The following RNF10 variants were observed in gnomAD, a reference collection of about 807,000 sequenced individuals.
The protein encoded by RNF10 is ring finger protein 10.
RNF10 carries 38 observed loss-of-function variants against 91.4 expected under a neutral mutation model. That is an observed-to-expected ratio of 0.42 (90% CI 0.32 to 0.54). The LOEUF is 0.54. RNF10 is among the 20% of genes least tolerant of loss of function. The pLI, the probability that RNF10 is intolerant of heterozygous loss-of-function variation, is 0.16. For missense variants in RNF10, 945 were observed against 1,012.0 expected (o/e 0.93, Z 0.90); for synonymous variants, 364 against 366.3 (o/e 0.99, Z 0.07).
intron 10 of RNF10, 61 bp downstream of exon 10, chr12:120,564,004 T>G: frequency 6.3e-7 from 1 of 1,594,572 alleles, no homozygotes; most frequent in South Asian, 1.1e-5. Context: ...CTCTTTGAGG[T>G]AGGCCTAGCC....
At chr12:120,565,395 G>A (rs1875545119) in intron 11 of RNF10, 33 bp from the exon 12 acceptor site, 1 of 1,594,478 alleles carries the variant, frequency 6.3e-7, no homozygotes, top group East Asian at 2.2e-5. Context: ...TGTTGTCCTG[G>A]GTCTACCTCT....
At position 120,563,401 on chromosome 12, in the gene RNF10, C is replaced by T. The variant is rs1001308708; in HGVS notation, c.1309C>T (p.Leu437=). ...TGAAGAAACCACGGAAGTTTGTTCT[C>T]TGGACACTCCTTCTAGACCTCTTGC... is the stretch of plus-strand genomic sequence containing the variant. ...FDEETTEVCS[L]DTPSRPLALP... is the part of the protein sequence containing the mutation. Residue 437 remains leucine, a synonymous_variant, in exon 9 of 17, where the codon CTG becomes TTG. Transcript: ENST00000325954. 7 of 1,613,910 alleles carry T rather than the reference C, an allele frequency of 4.3e-6. No individual in the cohort carries two copies. The highest frequency in any genetic ancestry group is 1.6e-4 in the Middle Eastern group (1 of 6,084).
At chr12:120,556,038 C>T (rs1235761479) in intron 4 of RNF10, among the ~76,000 whole-genome samples, 1 of 151,944 alleles carries the variant, frequency 6.6e-6, no homozygotes, top group African/African-American at 2.4e-5. Context: ...ATCAACCTGT[C>T]TCGGCCTCCC....
rs1426492116 is a variant in RNF10, at chr12:120,534,558, C to T, written c.-254C>T. The T allele has an allele frequency of 2.0e-5, 15 of 732,810 alleles. No homozygotes were observed. The East Asian group carries it at 5.7e-4, about 28-fold the overall frequency. 45.4% of individuals were successfully genotyped at this position (732,810 alleles called of 1,614,324 possible). ...GCCTCCCCTTCCCCCGCAGCCTCCGCCCCGCCAGGCCCGGCCCGGACTCCC... is the reference window on the plus strand; with the variant it reads ...GCCTCCCCTTCCCCCGCAGCCTCCGTCCCGCCAGGCCCGGCCCGGACTCCC... On this transcript the variant is annotated 5_prime_UTR_variant, in exon 1 of 17. Coordinates refer to ENST00000325954, the MANE Select transcript of RNF10 (RefSeq NM_014868.5).
rs749468403 is a variant in RNF10, at chr12:120,563,074, A to G, written c.1254+4A>G. The G allele has an allele frequency of 4.2e-5, 67 of 1,613,888 alleles. No individual in the cohort carries two copies. Among genetic ancestry groups the G allele is most frequent in the Non-Finnish European group, 8.5e-7 (1 of 1,179,962 alleles). ...GTCTGTTTTTCAACCCAGGAAGGTT[A>G]GTGTGTTCCTGTTACTAAGTGGCTG... On this transcript the variant is annotated splice_donor_region_variant and intron_variant, in intron 8 of 16. Coordinates refer to ENST00000325954, the MANE Select transcript of RNF10 (RefSeq NM_014868.5).
chr12:120,540,388 C>G (rs953161161), intron 1 of RNF10, among the ~76,000 whole-genome samples: 2 of 152,160 alleles, frequency 1.3e-5, no homozygotes, highest in African/African-American at 4.8e-5. Context: ...TTTAAAACTT[C>G]ACCCATAGTT....
intron 7 of RNF10, among the ~76,000 whole-genome samples, chr12:120,561,996 T>A (rs1874899381): frequency 6.6e-6 from 1 of 152,150 alleles, no homozygotes; most frequent in Admixed American, 6.6e-5. Flanking sequence ...TGTGTCAGAT[T>A]CTCTTTTATT....
At chr12:120,537,883 G>C (rs1010331769) in intron 1 of RNF10, among the ~76,000 whole-genome samples, 2 of 152,150 alleles carry the variant, frequency 1.3e-5, no homozygotes, top group Admixed American at 1.3e-4. Flanking sequence ...AGATTAAAAG[G>C]TTAGGAAACT....
intron 3 of RNF10, among the ~76,000 whole-genome samples, chr12:120,553,720 T>G (rs1317778074): frequency 6.6e-6 from 1 of 151,940 alleles, no homozygotes; most frequent in East Asian, 1.9e-4. Context: ...GAAAATTTCT[T>G]AAGAGACAAT....
intron 4 of RNF10, among the ~76,000 whole-genome samples, chr12:120,556,169 G>T (rs1042015047): frequency 3.3e-5 from 5 of 152,062 alleles, no homozygotes; most frequent in Admixed American, 6.6e-5. Flanking sequence ...TCCTAGTAGG[G>T]TATCTGTTGA....
intron 6 of RNF10, among the ~76,000 whole-genome samples, chr12:120,559,955 C>T (rs1356341687): frequency 2.6e-5 from 4 of 151,982 alleles, no homozygotes; most frequent in Middle Eastern, 3.2e-3. Context: ...CCTCAGCCTC[C>T]CAAAGTGCTG....
intron 3 of RNF10, among the ~76,000 whole-genome samples, chr12:120,553,423 G>T (rs1593074869): frequency 8.5e-6 from 1 of 117,020 alleles, no homozygotes; most frequent in Non-Finnish European, 1.7e-5. Context: ...TTTTTTTTGA[G>T]ACAAAGTCTT....
At chr12:120,548,299 C>T (rs552232744) in intron 2 of RNF10, among the ~76,000 whole-genome samples, 2 of 152,252 alleles carry the variant, frequency 1.3e-5, no homozygotes, top group East Asian at 1.9e-4. Flanking sequence ...GTGCTTAAAG[C>T]TGTGGAACTA....
Position 120,565,181 on chromosome 12 carries a change from T to A in RNF10, c.1775T>A (p.Met592Lys). 6.3e-7 allele frequency: 1 copy of A among 1,594,582 alleles called. No individual in the cohort carries two copies. Among genetic ancestry groups the A allele is most frequent in the Non-Finnish European group, 8.6e-7 (1 of 1,162,172 alleles). The change falls in exon 11 of 17, where the codon ATG becomes AAG. Residue 592 changes from methionine to lysine, a missense_variant. Transcript: ENST00000325954. ...GTGGTCTCTAAGGAAACCCTAGAGA[T>A]GTTCTCAGGTGAGAATGCCCCTGCT... ...PPVVSKETLE[M>K]FSDDIEKRKR... is the part of the protein sequence containing the mutation.
chr12:120,553,063 T>TGAGATG, intron 3 of RNF10, among the ~76,000 whole-genome samples: 2 of 6,350 alleles, frequency 3.1e-4, no homozygotes, highest in African/African-American at 8.1e-4. Context: ...TTTTTTTTTT[T>TGAGATG]TTTTTTTTTT....
intron 3 of RNF10, among the ~76,000 whole-genome samples, chr12:120,553,339 C>T (rs1368549450): frequency 2.0e-5 from 3 of 150,752 alleles, no homozygotes; most frequent in Non-Finnish European, 4.4e-5. Context: ...CCACCTGCCT[C>T]GGCCTCCCAA....
Position 120,563,883 on chromosome 12 carries a change from G to T in RNF10, c.1605G>T (p.Glu535Asp), listed in dbSNP as rs1191702347. 6.2e-7 allele frequency: 1 copy of T among 1,614,170 alleles called. No homozygotes were observed. Among genetic ancestry groups the T allele is most frequent in the Non-Finnish European group, 8.5e-7 (1 of 1,180,032 alleles). The change falls in exon 10 of 17, where the codon GAG (glutamate) becomes GAT (aspartate). Residue 535 changes from glutamate to aspartate, a missense_variant. By Grantham distance (45) the Glu-to-Asp change is conservative. Transcript: ENST00000325954. ...RCLVREYGSL[E>D]RSPEKISATV... ...TCGTGCGGGAGTACGGCAGCCTGGA[G>T]AGGAGCCCCGAGAAGATCTCAGCAA... is the stretch of plus-strand genomic sequence containing the variant.
At chr12:120,551,706 G>C (rs1873116854) in intron 2 of RNF10, among the ~76,000 whole-genome samples, 1 of 152,158 alleles carries the variant, frequency 6.6e-6, no homozygotes, top group African/African-American at 2.4e-5. Context: ...GTATCATAGT[G>C]CACTGCAACC....
chr12:120,557,135 A>T (rs1874167608), intron 4 of RNF10, 147 bp from the exon 5 acceptor site: 3 of 711,748 alleles, frequency 4.2e-6, no homozygotes, highest in Non-Finnish European at 4.7e-6. Context: ...CTACGTTGTA[A>T]ACAATTTTAG....
Sources: allele counts gnomAD v4.1 joint callset (sites outside exome capture counted in the v4.1 genomes callset), GRCh38; gene constraint gnomAD v4.1.1; transcripts MANE v1.5; gene names NCBI Gene and HGNC (gene_info 2026-07-23, HGNC 2026-07-21).